The following TRIM60 variants were observed in gnomAD, a reference collection of about 807,000 sequenced individuals.
TRIM60 encodes tripartite motif-containing protein 60.
For synonymous variants in TRIM60, 189 were observed against 195.2 expected (o/e 0.97, Z 0.27); for missense variants, 524 against 540.8 (o/e 0.97, Z 0.31).
chr4:165,041,672 G>C lies in TRIM60; in HGVS notation c.*184G>C. On this transcript the variant is annotated 3_prime_UTR_variant, in exon 3 of 3. Transcript: ENST00000512596. ...ATTCTATGAATATCAATTGTCAGGT[G>C]CTTTGATTTCTAAGATAAAATATTT... The C allele has an allele frequency of 2.4e-6, 1 of 412,856 alleles. No individual in the cohort carries two copies. Among genetic ancestry groups the C allele is most frequent in the Non-Finnish European group, 4.4e-6 (1 of 226,138 alleles). 25.6% of individuals were successfully genotyped at this position (412,856 alleles called of 1,614,324 possible). A position where few individuals can be genotyped will look rare whatever the true frequency, so the allele number is the denominator to read the frequency against.
chr4:165,036,706 C>G (rs916138093), intron 1 of TRIM60, among the ~76,000 whole-genome samples: 1 of 151,916 alleles, frequency 6.6e-6, no homozygotes, highest in African/African-American at 2.4e-5. Context: ...CATGGCGAAA[C>G]CCCGTCTCTA....
Position 165,040,238 on chromosome 4 carries a change from TG to T in TRIM60, c.167del (p.Cys56SerfsTer19), listed in dbSNP as rs1209248850. The T allele has an allele frequency of 5.0e-6, 8 of 1,614,102 alleles. No individual in the cohort carries two copies. Among genetic ancestry groups the T allele is most frequent in the Non-Finnish European group, 5.9e-6 (7 of 1,180,044 alleles). ...AGATGATACCTTTCCCTGTCCTGTC[TG>T]CCGTTTTTGCTTTCCATACAAGAGC... ...DLDDTFPCPV[C>X]RFCFPYKSFR... On this transcript the variant is annotated frameshift_variant, in exon 3 of 3. Coordinates refer to ENST00000512596, the MANE Select transcript of TRIM60 (RefSeq NM_152620.3). LOFTEE classifies it low-confidence loss of function (END_TRUNC).
chr4:165,032,790 C>T (rs1733535104), intron 1 of TRIM60, among the ~76,000 whole-genome samples: 1 of 152,154 alleles, frequency 6.6e-6, no homozygotes, highest in Admixed American at 6.5e-5. Flanking sequence ...GGCTCACTTA[C>T]GTTTCGTATC....
At chr4:165,037,694 T>C (rs1390031035) in intron 1 of TRIM60, among the ~76,000 whole-genome samples, 3 of 152,206 alleles carry the variant, frequency 2.0e-5, no homozygotes, top group East Asian at 1.9e-4. Context: ...GCCTAGCTCC[T>C]GTTTCATTAA....
chr4:165,032,566 C>T (rs1181826730), intron 1 of TRIM60, among the ~76,000 whole-genome samples: 2 of 152,098 alleles, frequency 1.3e-5, no homozygotes, highest in Non-Finnish European at 2.9e-5. Context: ...GTTTTCGCCG[C>T]GGAGGCAGTG....
chr4:165,037,080 G>A (rs931179994), intron 1 of TRIM60, among the ~76,000 whole-genome samples: 3 of 150,516 alleles, frequency 2.0e-5, no homozygotes, highest in Non-Finnish European at 4.4e-5. Context: ...GTGTGTGCCT[G>A]TAGTCCCAGC....
rs776799467 is a variant in TRIM60, at chr4:165,040,933, C to T, written c.861C>T (p.Asp287=). The change falls in exon 3 of 3, where the codon GAC becomes GAT. Residue 287 remains aspartate (D), a synonymous_variant. Transcript: ENST00000512596. ...FSLPPQYSGL[D]RIIKPFQVDV... The stretch of plus-strand genomic sequence containing the variant: ...TTCCTCCTCAATATTCTGGCTTGGA[C>T]AGAATTATCAAGCCATTTCAAGTAG... The T allele has an allele frequency of 6.2e-6, 10 of 1,613,772 alleles. No homozygotes were observed. Among genetic ancestry groups the T allele is most frequent in the South Asian group, 5.5e-5 (5 of 91,062 alleles).
At chr4:165,033,047 G>A (rs1045714818) in intron 1 of TRIM60, among the ~76,000 whole-genome samples, 1 of 151,506 alleles carries the variant, frequency 6.6e-6, no homozygotes, top group Non-Finnish European at 1.5e-5. Context: ...AAAAAAATCC[G>A]GGCATGGTGG....
chr4:165,040,664 C>A lies in TRIM60; in HGVS notation c.592C>A (p.Gln198Lys). ...AATAAGATTGTTTTTACAGAATGAA[C>A]AAGAGATGATTCTTAGGCAGATACA... ...EQIRLFLQNEQEMILRQIQDE... is the reference protein window; with the variant it reads ...EQIRLFLQNEKEMILRQIQDE... Residue 198 changes from glutamine to lysine, a missense_variant, in exon 3 of 3, where the codon CAA becomes AAA. Physicochemically the swap from Gln to Lys is moderately conservative, Grantham distance 53. Transcript: ENST00000512596. The A allele has an allele frequency of 6.2e-7, 1 of 1,613,778 alleles. No homozygotes were observed. Among genetic ancestry groups the A allele is most frequent in the Non-Finnish European group, 8.5e-7 (1 of 1,179,872 alleles).
At chr4:165,034,813 T>C (rs1030254603) in intron 1 of TRIM60, among the ~76,000 whole-genome samples, 2 of 152,362 alleles carry the variant, frequency 1.3e-5, no homozygotes, top group Admixed American at 1.3e-4. Context: ...ACTACTGCTA[T>C]GAACAGTTAA....
intron 1 of TRIM60, among the ~76,000 whole-genome samples, chr4:165,034,020 C>T (rs1733563762): frequency 6.6e-6 from 1 of 152,160 alleles, no homozygotes. Flanking sequence ...GCTTATAATG[C>T]TGTTCTTTAA....
rs1331269326 is a variant in TRIM60, at chr4:165,040,292, TTGAC to T, written c.224_227del (p.Thr75LysfsTer29). 6.2e-7 allele frequency: 1 copy of T among 1,614,194 alleles called. No homozygotes were observed. The highest frequency in any genetic ancestry group is 2.2e-5 in the East Asian group (1 of 44,888). ...CAGGAGGAACCCCCAGCTCCGTAAT[TTGAC>T]TGAAATTGCTAAACAACTCCAGATT... On this transcript the variant is annotated frameshift_variant, in exon 3 of 3. Transcript: ENST00000512596. LOFTEE classifies it low-confidence loss of function (END_TRUNC).
intron 1 of TRIM60, among the ~76,000 whole-genome samples, chr4:165,033,006 T>C (rs1330966881): frequency 7.0e-6 from 1 of 143,752 alleles, no homozygotes; most frequent in Middle Eastern, 3.7e-3. Flanking sequence ...CTGGGCAACA[T>C]AGTGAGACCC....
In TRIM60 at chr4:165,041,097, C is replaced by G. The variant is rs986938218; in HGVS notation, c.1025C>G (p.Ser342Cys). ...TATGTCTGCCCTGCTGTCCTAGGCT[C>G]TCAGAGATTTAGTTCTGGCCGACAT... ...RFYVCPAVLG[S>C]QRFSSGRHYW... The change falls in exon 3 of 3, where the codon TCT becomes TGT. Residue 342 changes from serine (S) to cysteine (C), a missense_variant. By Grantham distance (112) the Ser-to-Cys change is moderately radical. Coordinates refer to ENST00000512596, the MANE Select transcript of TRIM60 (RefSeq NM_152620.3). 5.6e-6 allele frequency: 9 copies of G among 1,614,056 alleles called. No individual in the cohort carries two copies. The African/African-American group carries it at 9.3e-5, about 17-fold the overall frequency.
In TRIM60 at chr4:165,041,269, A is replaced by G. The variant is rs770549133; in HGVS notation, c.1197A>G (p.Ser399=). 2 of 1,614,222 alleles carry G rather than the reference A, an allele frequency of 1.2e-6. No homozygotes were observed. Among genetic ancestry groups the G allele is most frequent in the East Asian group, 2.2e-5 (1 of 44,888 alleles). Residue 399 remains serine (S), a synonymous_variant, in exon 3 of 3, where the codon TCA becomes TCG. Transcript: ENST00000512596. ...GRYMKSGYVA[S]GPKTTQLLPV... ...ACATGAAGAGTGGTTATGTTGCGTC[A>G]GGTCCTAAGACAACCCAGCTTCTGC...
chr4:165,040,706 A>G lies in TRIM60; in HGVS notation c.634A>G (p.Ile212Val), dbSNP rs1179737405. ...LRQIQDEEMNILAKLNENLVE... is the reference protein window; with the variant it reads ...LRQIQDEEMNVLAKLNENLVE... Reference sequence around the variant, plus strand: ...GCAGATACAAGATGAAGAGATGAACATTTTAGCAAAACTAAATGAAAACCT... The same window carrying G: ...GCAGATACAAGATGAAGAGATGAACGTTTTAGCAAAACTAAATGAAAACCT... The change falls in exon 3 of 3, where the codon ATT becomes GTT. Residue 212 changes from isoleucine to valine, a missense_variant. Ile to Val is a conservative substitution (Grantham distance 29). Transcript: ENST00000512596. 1 of 1,613,944 alleles carries G rather than the reference A, an allele frequency of 6.2e-7. No homozygotes were observed. Among genetic ancestry groups the G allele is most frequent in the Admixed American group, 1.7e-5 (1 of 59,972 alleles).
intron 1 of TRIM60, among the ~76,000 whole-genome samples, chr4:165,035,368 A>G (rs925958771): frequency 1.3e-5 from 2 of 152,138 alleles, no homozygotes; most frequent in African/African-American, 2.4e-5. Context: ...CTGGCCAACA[A>G]TTATGGTTTA....
At chr4:165,033,281 G>A (rs1165903740) in intron 1 of TRIM60, among the ~76,000 whole-genome samples, 1 of 152,152 alleles carries the variant, frequency 6.6e-6, no homozygotes, top group Non-Finnish European at 1.5e-5. Context: ...TGAGAGTAGG[G>A]AATCTACTGC....
Position 165,041,069 on chromosome 4 carries a change from T to G in TRIM60, c.997T>G (p.Phe333Val), listed in dbSNP as rs374127647. ...KRNICYDPRR[F>V]YVCPAVLGSQ... ...AAACATTTGTTATGACCCAAGGAGATTTTATGTCTGCCCTGCTGTCCTAGG... is the reference window on the plus strand; with the variant it reads ...AAACATTTGTTATGACCCAAGGAGAGTTTATGTCTGCCCTGCTGTCCTAGG... Residue 333 changes from phenylalanine (F) to valine (V), a missense_variant, in exon 3 of 3, where the codon TTT (phenylalanine) becomes GTT (valine). Coordinates refer to ENST00000512596, the MANE Select transcript of TRIM60 (RefSeq NM_152620.3). 3.1e-6 allele frequency: 5 copies of G among 1,614,036 alleles called. No individual in the cohort carries two copies. In the African/African-American group the frequency reaches 6.7e-5, roughly 22 times the overall value.
Sources: allele counts gnomAD v4.1 joint callset (sites outside exome capture counted in the v4.1 genomes callset), GRCh38; gene constraint gnomAD v4.1.1; transcripts MANE v1.5; gene names NCBI Gene and HGNC (gene_info 2026-07-23, HGNC 2026-07-21).